USH2A: variants seen among roughly 807,000 people sequenced by gnomAD.
USH2A encodes the protein Usher syndrome 2A (autosomal recessive, mild).
A neutral mutation model predicts 538.9 loss-of-function variants in USH2A; 443 were observed. The ratio of observed to expected loss-of-function variants is 0.82; its 90% CI spans 0.76 to 0.89. The LOEUF is 0.89. Among genes scored for constraint, USH2A ranks in the 40% least tolerant of loss-of-function variants. USH2A has a pLI of 0.00. For missense variants in USH2A, 6,633 were observed against 6,324.8 expected (o/e 1.05, Z -1.65); for synonymous variants, 2,413 against 2,273.5 (o/e 1.06, Z -1.75).
intron 61 of USH2A, among the ~76,000 whole-genome samples, chr1:215,724,968 G>T (rs1405188596): frequency 1.3e-5 from 2 of 152,156 alleles, no homozygotes; most frequent in Non-Finnish European, 2.9e-5. Context: ...GGCAGGATTT[G>T]TCTGAGATAA....
At chr1:215,691,517 T>C (rs1445044684) in intron 61 of USH2A, among the ~76,000 whole-genome samples, 1 of 152,198 alleles carries the variant, frequency 6.6e-6, no homozygotes, top group Non-Finnish European at 1.5e-5. Flanking sequence ...CTTCAGCTCA[T>C]CTTCTCAATG....
intron 38 of USH2A, among the ~76,000 whole-genome samples, chr1:215,923,849 C>T (rs1666165498): frequency 6.6e-6 from 1 of 151,942 alleles, no homozygotes; most frequent in Non-Finnish European, 1.5e-5. Context: ...ACTCCTCTGT[C>T]TACCTCCATT....
chr1:215,674,800 G>T lies in USH2A; in HGVS notation c.13111C>A (p.Gln4371Lys). Residue 4371 changes from glutamine to lysine, a missense_variant, in exon 63 of 72, where the codon CAA (glutamine) becomes AAA (lysine). Gln to Lys is a moderately conservative substitution (Grantham distance 53, BLOSUM62 1). Coordinates refer to ENST00000307340, the MANE Select transcript of USH2A (RefSeq NM_206933.4). ...GGCGGTGACCAACATACATTCATTT[G>T]AGTGGCACTGACGGCCCAAAGATCT... Reference protein sequence around the residue: ...PPDLWAVSATQMNVCWSPPTV... With the variant: ...PPDLWAVSATKMNVCWSPPTV... 6.2e-7 allele frequency: 1 copy of T among 1,614,120 alleles called. No homozygotes were observed. Among genetic ancestry groups the T allele is most frequent in the East Asian group, 2.2e-5 (1 of 44,858 alleles).
At chr1:215,716,107 G>A (rs1039872810) in intron 61 of USH2A, among the ~76,000 whole-genome samples, 1 of 151,958 alleles carries the variant, frequency 6.6e-6, no homozygotes, top group South Asian at 2.1e-4. Context: ...TAACTGTCAG[G>A]GGTCTTGATC....
intron 21 of USH2A, among the ~76,000 whole-genome samples, chr1:216,160,462 G>A (rs954538867): frequency 3.3e-5 from 5 of 152,060 alleles, no homozygotes; most frequent in Non-Finnish European, 7.4e-5. Context: ...ACAGTTGTCA[G>A]AGAACTTGAA....
rs1314401856 is a variant in USH2A at position 215,912,453 on chromosome 1, G to GTGTATA, written c.7301-11549_7301-11548insTATACA. ...TTTTGAGGGTAGGTAGTAGGTATGT[G>GTGTATA]TATATATATATATATATATATACGT... On this transcript the variant is annotated intron_variant, in intron 38 of 71. Coordinates refer to ENST00000307340, the MANE Select transcript of USH2A (RefSeq NM_206933.4). 5.6e-4 allele frequency among the ~76,000 whole-genome samples: 24 copies of GTGTATA among 42,976 alleles called. 1 individual carries two copies. Among genetic ancestry groups the GTGTATA allele is most frequent in the Admixed American group, 1.9e-3 (6 of 3,094 alleles). 28.2% of individuals were successfully genotyped at this position (42,976 alleles called of 152,430 possible).
intron 9 of USH2A, among the ~76,000 whole-genome samples, chr1:216,319,214 G>A (rs980601157): frequency 1.3e-4 from 20 of 152,090 alleles, no homozygotes; most frequent in Admixed American, 1.3e-3. Context: ...CTGATTATAA[G>A]GAAGTAAGTG....
intron 9 of USH2A, among the ~76,000 whole-genome samples, chr1:216,316,637 A>G (rs1177067603): frequency 2.0e-5 from 3 of 152,310 alleles, no homozygotes; most frequent in East Asian, 3.9e-4. Flanking sequence ...AGAAGTGAGG[A>G]ATTAAAAATT....
chr1:216,103,017 A>G (rs1405053089), intron 21 of USH2A, among the ~76,000 whole-genome samples: 2 of 152,228 alleles, frequency 1.3e-5, no homozygotes, highest in East Asian at 3.9e-4. Context: ...GAGAATGAAC[A>G]ACTATATACA....
At chr1:216,302,784 C>T (rs1261211812) in intron 9 of USH2A, among the ~76,000 whole-genome samples, 1 of 151,960 alleles carries the variant, frequency 6.6e-6, no homozygotes, top group Non-Finnish European at 1.5e-5. Context: ...GGAAAATTAT[C>T]CAATGAAACA....
At chr1:216,000,000 GC>G (rs1384867833) in intron 33 of USH2A, among the ~76,000 whole-genome samples, 2 of 152,102 alleles carry the variant, frequency 1.3e-5, no homozygotes, top group Non-Finnish European at 2.9e-5. Flanking sequence ...ATCAGAACAT[GC>G]CTATATGTGA....
chr1:216,046,006 GGTGTGTGTGTGTGT>G (rs59426829), intron 32 of USH2A, among the ~76,000 whole-genome samples: 33 of 137,758 alleles, frequency 2.4e-4, no homozygotes, highest in African/African-American at 4.8e-4. Flanking sequence ...CTATTTATCT[GGTGTGTGTGTGTGT>G]GTGTGTGTGT....
At position 215,844,314 on chromosome 1, in the gene USH2A, A is replaced by G; in HGVS notation, c.9238T>C (p.Phe3080Leu). The G allele has an allele frequency of 6.2e-7, 1 of 1,613,664 alleles. No individual in the cohort carries two copies. The highest frequency in any genetic ancestry group is 8.5e-7 in the Non-Finnish European group (1 of 1,179,760). Residue 3080 changes from phenylalanine (F) to leucine (L), a missense_variant, in exon 46 of 72, where the codon TTC becomes CTC. Physicochemically the swap from Phe to Leu is conservative, Grantham distance 22 (BLOSUM62 0). Coordinates refer to ENST00000307340, the MANE Select transcript of USH2A (RefSeq NM_206933.4). ...CTAACCTGAATGTCATAGATAGTGA[A>G]GGGAGACAGGTCTCTCAGAATAAAC... Reference protein sequence around the residue: ...GSFILRDLSPFTIYDIQVEVC... With the variant: ...GSFILRDLSPLTIYDIQVEVC...
intron 33 of USH2A, among the ~76,000 whole-genome samples, chr1:215,999,476 C>T (rs1668216407): frequency 6.6e-6 from 1 of 152,084 alleles, no homozygotes; most frequent in Non-Finnish European, 1.5e-5. Flanking sequence ...AAATTGATGA[C>T]TGGAAGGGCT....
intron 21 of USH2A, among the ~76,000 whole-genome samples, chr1:216,157,774 G>C (rs1326429003): frequency 2.6e-5 from 4 of 152,068 alleles, no homozygotes; most frequent in Non-Finnish European, 5.9e-5. Flanking sequence ...AGCACACATG[G>C]ACATAAACAT....
At chr1:215,907,888 G>A (rs1203725151) in intron 38 of USH2A, among the ~76,000 whole-genome samples, 2 of 151,700 alleles carry the variant, frequency 1.3e-5, no homozygotes, top group East Asian at 1.9e-4. Context: ...AGATGGATGA[G>A]TTGATGGGGG....
chr1:215,657,520 T>A (rs1657298428), intron 64 of USH2A, among the ~76,000 whole-genome samples: 1 of 152,228 alleles, frequency 6.6e-6, no homozygotes, highest in Non-Finnish European at 1.5e-5. Context: ...TGATTTTCTT[T>A]CACCATCAAA....
At position 216,070,166 on chromosome 1, in the gene USH2A, T is replaced by TC. The variant is rs2102546096; in HGVS notation, c.5983dup (p.Asp1995GlyfsTer14). 1 of 1,614,016 alleles carries TC rather than the reference T, an allele frequency of 6.2e-7. No homozygotes were observed. The highest frequency in any genetic ancestry group is 1.7e-5 in the Admixed American group (1 of 60,008). Reference sequence around the variant, plus strand: ...GGGCATGCGGGGTGGACGGGTGCTGTCCTCACTATAGGCTTTCAGAATGTA... The same window carrying TC: ...GGGCATGCGGGGTGGACGGGTGCTGTCCCTCACTATAGGCTTTCAGAATGTA... On this transcript the variant is annotated frameshift_variant, in exon 30 of 72. Coordinates refer to ENST00000307340, the MANE Select transcript of USH2A (RefSeq NM_206933.4). LOFTEE classifies it high-confidence loss of function.
At chr1:215,918,893 G>A (rs1006246978) in intron 38 of USH2A, among the ~76,000 whole-genome samples, 2 of 151,990 alleles carry the variant, frequency 1.3e-5, no homozygotes, top group African/African-American at 2.4e-5. Context: ...TATAGCATTG[G>A]CATCAGAAAG....
Sources: allele counts gnomAD v4.1 joint callset (sites outside exome capture counted in the v4.1 genomes callset), GRCh38; gene constraint gnomAD v4.1.1; transcripts MANE v1.5; gene names NCBI Gene and HGNC (gene_info 2026-07-23, HGNC 2026-07-21).